Variants in EDIL3 observed in about 807,000 individuals in gnomAD.
The protein encoded by EDIL3 is EGF-like repeat and discoidin I-like domain-containing protein 3.
Under a neutral mutation model 67.4 loss-of-function variants are expected in EDIL3, and 37 were observed. The ratio of observed to expected loss-of-function variants is 0.55; its 90% confidence interval spans 0.42 to 0.72. EDIL3 has a LOEUF of 0.72. Among genes scored for constraint, EDIL3 ranks in the 30% least tolerant of loss-of-function variants. The pLI is 0.00. For synonymous variants in EDIL3, 195 were observed against 196.3 expected (o/e 0.99, Z 0.05); for missense variants, 527 against 586.3 (o/e 0.90, Z 1.04).
chr5:84,016,349 A>T (rs908323927), intron 9 of EDIL3, among the ~76,000 whole-genome samples: 3 of 152,026 alleles, frequency 2.0e-5, no homozygotes, highest in African/African-American at 7.2e-5. Flanking sequence ...CTCTGATAAC[A>T]CTCATCTCAC....
At chr5:84,123,883 T>A (rs1165520053) in intron 5 of EDIL3, among the ~76,000 whole-genome samples, 2 of 151,938 alleles carry the variant, frequency 1.3e-5, no homozygotes, top group Non-Finnish European at 2.9e-5. Flanking sequence ...TTAAAAAGTA[T>A]AAGACCAATA....
chr5:84,327,778 T>C (rs530942251), intron 1 of EDIL3, among the ~76,000 whole-genome samples: 3 of 152,148 alleles, frequency 2.0e-5, no homozygotes, highest in Non-Finnish European at 2.9e-5. Context: ...CCCAATGCCA[T>C]AGGGAAGATG....
intron 4 of EDIL3, among the ~76,000 whole-genome samples, chr5:84,168,711 T>A (rs1748757005): frequency 6.6e-6 from 1 of 152,198 alleles, no homozygotes; most frequent in African/African-American, 2.4e-5. Flanking sequence ...ATTGTTCAAC[T>A]CCTCCCAAGT....
chr5:84,192,364 G>T (rs138249411), intron 3 of EDIL3, among the ~76,000 whole-genome samples: 109 of 151,966 alleles, frequency 7.2e-4, no homozygotes, highest in African/African-American at 2.5e-3. Context: ...TACCTCCCCT[G>T]TTCATGATAA....
Position 84,185,780 on chromosome 5 carries a change from T to C in EDIL3, c.227-5259A>G, listed in dbSNP as rs114510800. Among the ~76,000 whole-genome samples, 569 of 152,280 alleles carry C rather than the reference T, an allele frequency of 3.7e-3. 3 individuals carry two copies. The highest frequency in any genetic ancestry group is 0.013 in the African/African-American group (539 of 41,578). Reference sequence around the variant, plus strand: ...GCTTCAAATGTATTACACTGAATTGTAAATAACAGACCATTAGAATGTGTA... The same window carrying C: ...GCTTCAAATGTATTACACTGAATTGCAAATAACAGACCATTAGAATGTGTA... On this transcript the variant is annotated intron_variant, in intron 3 of 10. Transcript: ENST00000296591.
chr5:84,187,267 TG>T lies in EDIL3; in HGVS notation c.227-6747del, dbSNP rs1277782721. Among the ~76,000 whole-genome samples, 4 of 152,004 alleles carry T rather than the reference TG, an allele frequency of 2.6e-5. No individual in the cohort carries two copies. In the East Asian group the frequency reaches 7.7e-4, roughly 29 times the overall value. On this transcript the variant is annotated intron_variant, in intron 3 of 10. Transcript: ENST00000296591. ...TCCTCACAAAAGCAGTAGATCTATA[TG>T]GTTTGCTACTTTTCTGCATCTATCT... is the stretch of plus-strand genomic sequence containing the variant.
chr5:84,064,048 T>C (rs1164662469), intron 8 of EDIL3, among the ~76,000 whole-genome samples: 4 of 152,098 alleles, frequency 2.6e-5, no homozygotes, highest in Non-Finnish European at 5.9e-5. Context: ...AATATTGATG[T>C]TCCTGGGGGA....
intron 1 of EDIL3, among the ~76,000 whole-genome samples, chr5:84,353,050 A>T (rs1747396701): frequency 6.6e-6 from 1 of 152,096 alleles, no homozygotes; most frequent in Non-Finnish European, 1.5e-5. Context: ...ATATTTAACA[A>T]CTGTTAAATT....
At chr5:84,192,217 T>G (rs962046429) in intron 3 of EDIL3, among the ~76,000 whole-genome samples, 3 of 151,982 alleles carry the variant, frequency 2.0e-5, no homozygotes, top group Non-Finnish European at 4.4e-5. Context: ...ATTGGGATAG[T>G]GTCCTAACTG....
chr5:83,971,107 T>C (rs189485850), intron 9 of EDIL3, among the ~76,000 whole-genome samples: 1 of 151,844 alleles, frequency 6.6e-6, no homozygotes, highest in African/African-American at 2.4e-5. Flanking sequence ...CTGTCCTTAA[T>C]ATTATAGATT....
chr5:84,344,098 T>C (rs1747185639), intron 1 of EDIL3, among the ~76,000 whole-genome samples: 2 of 152,110 alleles, frequency 1.3e-5, no homozygotes, highest in African/African-American at 4.8e-5. Context: ...AGAGGTTCTG[T>C]AGCTGTGGAA....
At chr5:84,059,232 T>C (rs1746500041) in intron 9 of EDIL3, among the ~76,000 whole-genome samples, 1 of 151,682 alleles carries the variant, frequency 6.6e-6, no homozygotes, top group Non-Finnish European at 1.5e-5. Flanking sequence ...GAGACACCTG[T>C]CTGCACAAAA....
chr5:84,083,789 A>G (rs1747019218), intron 6 of EDIL3, among the ~76,000 whole-genome samples: 1 of 152,232 alleles, frequency 6.6e-6, no homozygotes, highest in African/African-American at 2.4e-5. Context: ...ATTTACAAAT[A>G]TAGAAGAAAG....
intron 6 of EDIL3, among the ~76,000 whole-genome samples, chr5:84,072,623 G>C (rs186397852): frequency 6.6e-6 from 1 of 152,250 alleles, no homozygotes; most frequent in East Asian, 1.9e-4. Flanking sequence ...TTTAAAAAAT[G>C]TATCCTACAA....
chr5:83,952,015 G>A lies in EDIL3; in HGVS notation c.1294-8447C>T, dbSNP rs1223588366. Among the ~76,000 whole-genome samples, 4 of 151,758 alleles carry A rather than the reference G, an allele frequency of 2.6e-5. No homozygotes were observed. The East Asian group carries it at 5.8e-4, about 22-fold the overall frequency. ...AGTCAGCCCGATGAGAGACCAAAGG[G>A]ACTGGGGCAGAGTGGCCATCTCCAT... On this transcript the variant is annotated intron_variant, in intron 10 of 10. Transcript: ENST00000296591.
intron 4 of EDIL3, among the ~76,000 whole-genome samples, chr5:84,159,045 A>G (rs1324795215): frequency 6.6e-6 from 1 of 152,066 alleles, no homozygotes; most frequent in African/African-American, 2.4e-5. Context: ...AACAATGTAC[A>G]TTTTTATTAT....
intron 5 of EDIL3, among the ~76,000 whole-genome samples, chr5:84,122,649 G>A (rs545407135): frequency 2.6e-5 from 4 of 151,862 alleles, no homozygotes; most frequent in African/African-American, 9.6e-5. Flanking sequence ...GTAATGACAC[G>A]CTGGGGGTGT....
In EDIL3 at chr5:84,096,825, C is replaced by T. The variant is rs546677180; in HGVS notation, c.651+9824G>A. On this transcript the variant is annotated intron_variant, in intron 6 of 10. Transcript: ENST00000296591. ...ATAATTTCCACATGTGTGGGAGGGACCCAGTGAAAGATAAGTGAATCATGG... is the reference window on the plus strand; with the variant it reads ...ATAATTTCCACATGTGTGGGAGGGATCCAGTGAAAGATAAGTGAATCATGG... Among the ~76,000 whole-genome samples the T allele has an allele frequency of 2.3e-4, 35 of 152,238 alleles. No homozygotes were observed. In the South Asian group the frequency reaches 7.1e-3, roughly 31 times the overall value.
chr5:84,004,086 C>T (rs1745375469), intron 9 of EDIL3, among the ~76,000 whole-genome samples: 1 of 151,748 alleles, frequency 6.6e-6, no homozygotes, highest in South Asian at 2.1e-4. Context: ...AAGAAGTACA[C>T]TATATAATGA....
Sources: allele counts gnomAD v4.1 joint callset (sites outside exome capture counted in the v4.1 genomes callset), GRCh38; gene constraint gnomAD v4.1.1; transcripts MANE v1.5; gene names NCBI Gene and HGNC (gene_info 2026-07-23, HGNC 2026-07-21).